Variants in NF1 observed in about 807,000 individuals in gnomAD.
NF1 encodes neurofibromin 1, also known as neurofibromin.
NF1 carries 122 observed loss-of-function variants against 325.7 expected under a neutral mutation model. The ratio of observed to expected loss-of-function variants is 0.37; its 90% confidence interval spans 0.32 to 0.44. NF1 has a LOEUF of 0.44. Among genes scored for constraint, NF1 ranks in the 20% least tolerant of loss-of-function variants. NF1 has a pLI of 1.00. For synonymous variants in NF1, 1,091 were observed against 1,186.0 expected (o/e 0.92, Z 1.65); for missense variants, 2,140 against 3,415.4 (o/e 0.63, Z 9.31).
rs1363902545 is a variant in NF1 at position 31,120,087 on chromosome 17, C to T, written c.60+24718C>T. 2.0e-5 allele frequency among the ~76,000 whole-genome samples: 3 copies of T among 152,146 alleles called. No homozygotes were observed. In the East Asian group the frequency reaches 5.8e-4, roughly 29 times the overall value. ...CTTGTTGCTTAGGATTGTCTTGGCT[C>T]TACGGGCTCTTTTTTGGTTCCCTAT... is the stretch of plus-strand genomic sequence containing the variant. On this transcript the variant is annotated intron_variant, in intron 1 of 57. Coordinates refer to ENST00000358273, the MANE Select transcript of NF1 (RefSeq NM_001042492.3).
intron 23 of NF1, among the ~76,000 whole-genome samples, 168 bp downstream of exon 23, chr17:31,230,550 G>A (rs1052285626): frequency 5.5e-4 from 83 of 152,104 alleles, no homozygotes; most frequent in African/African-American, 2.0e-3. Flanking sequence ...TAAGCTTTGT[G>A]CCTGTGACAA....
chr17:31,095,490 G>A (rs1911584766), intron 1 of NF1, 121 bp downstream of exon 1: 6 of 739,018 alleles, frequency 8.1e-6, no homozygotes, highest in Non-Finnish European at 8.1e-6. Flanking sequence ...GAAAGGAAGG[G>A]AAGGGAAGAG....
intron 54 of NF1, 173 bp from the exon 55 acceptor site, chr17:31,358,307 A>G (rs995678619): frequency 1.5e-6 from 1 of 660,170 alleles, no homozygotes; most frequent in Non-Finnish European, 2.6e-6. Flanking sequence ...ACACACACAC[A>G]TGTTCATTGT....
chr17:31,188,651 G>A (rs537867075), intron 8 of NF1, among the ~76,000 whole-genome samples: 43 of 152,318 alleles, frequency 2.8e-4, no homozygotes, highest in East Asian at 1.9e-4. Context: ...GCCTGTGAGG[G>A]TGTTGCCAAA....
chr17:31,243,587 C>T (rs957667132), intron 29 of NF1, among the ~76,000 whole-genome samples: 15 of 151,590 alleles, frequency 9.9e-5, no homozygotes, highest in African/African-American at 2.7e-4. Flanking sequence ...TTCCCATGGC[C>T]GCCATCGCCC....
intron 36 of NF1, among the ~76,000 whole-genome samples, chr17:31,311,692 A>G (rs547078697): frequency 3.9e-5 from 6 of 152,340 alleles, no homozygotes; most frequent in Non-Finnish European, 5.9e-5. Flanking sequence ...TTCATCCTAC[A>G]GATAAGGAAA....
intron 36 of NF1, chr17:31,297,663 T>G (rs1378654450): frequency 6.6e-6 from 1 of 152,196 alleles, no homozygotes; most frequent in Admixed American, 6.5e-5. Flanking sequence ...TCCTGCCTTT[T>G]TATATTCCTT....
intron 36 of NF1, among the ~76,000 whole-genome samples, chr17:31,277,742 G>T (rs1872386371): frequency 6.6e-6 from 1 of 152,214 alleles, no homozygotes; most frequent in South Asian, 2.1e-4. Flanking sequence ...CATCCATGCA[G>T]TATGGTTTTT....
intron 29 of NF1, 36 bp downstream of exon 29, chr17:31,236,057 G>GTTTTTTTTTTTT: frequency 8.7e-7 from 1 of 1,144,780 alleles, no homozygotes; most frequent in Non-Finnish European, 1.2e-6. Flanking sequence ...GCTGTTTTTT[G>GTTTTTTTTTTTT]TTTTTTTTTT....
At chr17:31,103,153 T>G (rs1912513443) in intron 1 of NF1, among the ~76,000 whole-genome samples, 1 of 152,062 alleles carries the variant, frequency 6.6e-6, no homozygotes, top group African/African-American at 2.4e-5. Context: ...TATTGTTACA[T>G]TTTATTTTAA....
rs876660908 is a variant in NF1, at chr17:31,249,064, G to C, written c.4055G>C (p.Ser1352Thr). 3.1e-6 allele frequency: 5 copies of C among 1,613,974 alleles called. No homozygotes were observed. The African/African-American group carries it at 4.0e-5, about 13-fold the overall frequency. Reference protein sequence around the residue: ...MTEKFFHAIISSSSEFPPQLR... With the variant: ...MTEKFFHAIITSSSEFPPQLR... Reference sequence around the variant, plus strand: ...GAAAAGTTCTTCCATGCCATCATCAGTTCCTCCTCAGAATTCCCCCCTCAA... The same window carrying C: ...GAAAAGTTCTTCCATGCCATCATCACTTCCTCCTCAGAATTCCCCCCTCAA... The change falls in exon 30 of 58, where the codon AGT (serine) becomes ACT (threonine). Residue 1352 changes from serine (S) to threonine (T), a missense_variant. Coordinates refer to ENST00000358273, the MANE Select transcript of NF1 (RefSeq NM_001042492.3).
chr17:31,205,502 A>G (rs989207091), intron 11 of NF1, among the ~76,000 whole-genome samples: 2 of 152,190 alleles, frequency 1.3e-5, no homozygotes, highest in Admixed American at 6.5e-5. Context: ...CAAGTAATTC[A>G]TTTTAAAGTT....
chr17:31,192,234 G>T (rs571190532), intron 8 of NF1, among the ~76,000 whole-genome samples: 9 of 152,224 alleles, frequency 5.9e-5, no homozygotes, highest in African/African-American at 1.9e-4. Context: ...AACCAAATAC[G>T]AGTGACCATG....
At chr17:31,371,367 G>C (rs912231292) in intron 57 of NF1, among the ~76,000 whole-genome samples, 1 of 151,616 alleles carries the variant, frequency 6.6e-6, no homozygotes, top group African/African-American at 2.4e-5. Context: ...TGAAGGAAAA[G>C]GATATGAGAA....
rs1597688687 is a variant in NF1, at chr17:31,206,235, T to C, written c.1261-5T>C. 1 of 1,613,664 alleles carries C rather than the reference T, an allele frequency of 6.2e-7. No homozygotes were observed. On this transcript the variant is annotated splice_region_variant and splice_polypyrimidine_tract_variant and intron_variant, in intron 11 of 57. Transcript: ENST00000358273. ...TTCTTCCTATTGGTCTTTGTTTTTC[T>C]CTAGTCCGCATTGGATTGGTGGCCT...
intron 34 of NF1, among the ~76,000 whole-genome samples, chr17:31,260,882 G>T (rs1225548431): frequency 6.6e-6 from 1 of 152,008 alleles, no homozygotes; most frequent in Non-Finnish European, 1.5e-5. Context: ...TTAAAATATT[G>T]TCAGTGTTTT....
At chr17:31,120,332 G>T (rs1261456307) in intron 1 of NF1, among the ~76,000 whole-genome samples, 3 of 152,144 alleles carry the variant, frequency 2.0e-5, no homozygotes, top group African/African-American at 4.8e-5. Context: ...CACATCCCTT[G>T]TAAGGTGTAT....
Position 31,336,142 on chromosome 17 carries a change from T to C in NF1, c.6007-191T>C, listed in dbSNP as rs2069662316. ...AATCTCTGAAGGAGTCAAATGAATA[T>C]ACTCATCCTTTACTGGATATTTTAT... is the stretch of plus-strand genomic sequence containing the variant. On this transcript the variant is annotated intron_variant, in intron 40 of 57. Transcript: ENST00000358273. This position sits in a 1 kb window ranked among gnomAD's most constrained non-coding sequence, Gnocchi z 5.5. Among the ~76,000 whole-genome samples, 1 of 152,188 alleles carries C rather than the reference T, an allele frequency of 6.6e-6. No homozygotes were observed. Among genetic ancestry groups the C allele is most frequent in the African/African-American group, 2.4e-5 (1 of 41,466 alleles).
intron 36 of NF1, among the ~76,000 whole-genome samples, chr17:31,301,391 A>G (rs2068570496): frequency 6.6e-6 from 1 of 151,998 alleles, no homozygotes; most frequent in Admixed American, 6.6e-5. Flanking sequence ...AATTGTTCCA[A>G]TGCTTGTTTC....
Sources: gnomAD v4.1 joint callset for allele counts (sites outside exome capture counted in the v4.1 genomes callset) on GRCh38, gnomAD v4.1.1 for gene constraint, Gnocchi (gnomAD v3.1) non-coding constraint, MANE v1.5 for transcripts, NCBI Gene and HGNC (gene_info 2026-07-23, HGNC 2026-07-21) for gene names.